Variants in RANBP2 observed in about 807,000 individuals in gnomAD.
The protein encoded by RANBP2 is RAN binding protein 2, also known as E3 SUMO-protein ligase RanBP2.
RANBP2 carries 57 observed loss-of-function variants against 303.6 expected under a neutral mutation model. The ratio of observed to expected loss-of-function variants is 0.19; its 90% confidence interval spans 0.15 to 0.23. The LOEUF (loss-of-function observed/expected upper bound fraction) is 0.23. Ranked by LOEUF, RANBP2 falls within the 10% of genes least tolerant of loss-of-function variation. The probability of loss-of-function intolerance (pLI) is 1.00; values close to 1 mark genes in which losing one functional copy is unlikely to be tolerated. For synonymous variants in RANBP2, 1,167 were observed against 1,301.5 expected (o/e 0.90, Z 2.23); for missense variants, 3,138 against 3,780.8 (o/e 0.83, Z 4.46).
chr2:108,877,611 CAT>C, the RANBP2 span, among the ~76,000 whole-genome samples: 2 of 151,998 alleles, frequency 1.3e-5, no homozygotes, highest in Admixed American at 1.3e-4. Flanking sequence ...AGATAGTACT[CAT>C]GAGAGTGGAT....
the RANBP2 span, among the ~76,000 whole-genome samples, chr2:108,847,414 A>G: frequency 6.6e-6 from 1 of 152,184 alleles, no homozygotes; most frequent in Non-Finnish European, 1.5e-5. Context: ...AAAGCCTATA[A>G]TACTGTCATC....
At chr2:109,599,269 C>T in the RANBP2 span, among the ~76,000 whole-genome samples, 27 of 152,096 alleles carry the variant, frequency 1.8e-4, no homozygotes, top group Non-Finnish European at 3.4e-4. Flanking sequence ...ACCAGCCTGG[C>T]CAACATGGTG....
chr2:108,961,605 G>A, the RANBP2 span, among the ~76,000 whole-genome samples: 4 of 152,190 alleles, frequency 2.6e-5, no homozygotes, highest in African/African-American at 9.7e-5. Flanking sequence ...CATTAAAAAA[G>A]CACTCACTGG....
At position 108,767,685 on chromosome 2, in the gene RANBP2, C is replaced by T. The variant is rs564073939; in HGVS notation, c.7146C>T (p.Ala2382=). 6.2e-7 allele frequency: 1 copy of T among 1,611,904 alleles called. No individual in the cohort carries two copies. Among genetic ancestry groups the T allele is most frequent in the South Asian group, 1.1e-5 (1 of 90,978 alleles). The change falls in exon 20 of 29, where the codon GCC becomes GCT. Residue 2382 remains alanine (A), a synonymous_variant. Transcript: ENST00000283195. ...GGGACCAAGTATTAAAACTTTGTGC[C>T]AATCACAGAATAACTCCAGACATGA... ...MRRDQVLKLC[A]NHRITPDMTL...
At chr2:108,831,851 G>A in the RANBP2 span, among the ~76,000 whole-genome samples, 5 of 151,976 alleles carry the variant, frequency 3.3e-5, no homozygotes, top group African/African-American at 1.2e-4. Context: ...TCCTGCCTCA[G>A]CCTCCCGAGT....
the RANBP2 span, among the ~76,000 whole-genome samples, chr2:109,018,348 T>C: frequency 0.64 from 97,802 of 152,076 alleles, 32,239 homozygotes; most frequent in East Asian, 0.96. Context: ...TTGCCTTGTC[T>C]GGTAGGCTGT....
chr2:109,152,747 G>A, the RANBP2 span, among the ~76,000 whole-genome samples: 1 of 152,186 alleles, frequency 6.6e-6, no homozygotes, highest in Non-Finnish European at 1.5e-5. Flanking sequence ...CATGGGCAGA[G>A]GGGCGGGGGG....
At chr2:108,823,869 C>G in the RANBP2 span, among the ~76,000 whole-genome samples, 1 of 151,630 alleles carries the variant, frequency 6.6e-6, no homozygotes, top group Non-Finnish European at 1.5e-5. Flanking sequence ...CCCAGCTACT[C>G]GGGATGCTGA....
chr2:108,808,638 G>C, the RANBP2 span, among the ~76,000 whole-genome samples: 1 of 152,096 alleles, frequency 6.6e-6, no homozygotes, highest in African/African-American at 2.4e-5. Context: ...TCATATACCT[G>C]TTGGCTGTTT....
At chr2:109,369,339 C>A in the RANBP2 span, among the ~76,000 whole-genome samples, 1 of 152,054 alleles carries the variant, frequency 6.6e-6, no homozygotes, top group Non-Finnish European at 1.5e-5. Flanking sequence ...CAGCACAAGA[C>A]TCCGTCTAAA....
the RANBP2 span, among the ~76,000 whole-genome samples, chr2:109,424,216 G>T: frequency 6.6e-6 from 1 of 152,222 alleles, no homozygotes; most frequent in Non-Finnish European, 1.5e-5. Context: ...CAGCCCTGCG[G>T]AGTTTCCCCA....
chr2:109,282,965 C>T, the RANBP2 span, among the ~76,000 whole-genome samples: 1 of 152,166 alleles, frequency 6.6e-6, no homozygotes, highest in Non-Finnish European at 1.5e-5. Flanking sequence ...TTGTTACTCT[C>T]CCTGGGTCCT....
At chr2:109,559,465 G>A in the RANBP2 span, among the ~76,000 whole-genome samples, 1 of 152,168 alleles carries the variant, frequency 6.6e-6, no homozygotes, top group Non-Finnish European at 1.5e-5. Context: ...CCTGACCTAA[G>A]CTGAAGAATC....
rs368484651 is a variant in RANBP2, at chr2:108,771,825, C to G, written c.7974C>G (p.Phe2658Leu). 1.7e-5 allele frequency: 27 copies of G among 1,613,890 alleles called. No homozygotes were observed. The highest frequency in any genetic ancestry group is 1.5e-5 in the Non-Finnish European group (18 of 1,179,962). Residue 2658 changes from phenylalanine to leucine, a missense_variant, in exon 21 of 29, where the codon TTC becomes TTG. By Grantham distance (22) the Phe-to-Leu change is conservative. Transcript: ENST00000283195. ...AACTTAAACTTCCTCCAACTTTCTT[C>G]TGCTACAAGAATAGACCAGATTATG... ...ATKLKLPPTF[F>L]CYKNRPDYVS...
chr2:108,722,472 C>A (rs915649420), intron 1 of RANBP2, among the ~76,000 whole-genome samples: 2 of 151,614 alleles, frequency 1.3e-5, no homozygotes, highest in Non-Finnish European at 2.9e-5. Flanking sequence ...TATTCTCCCC[C>A]AGTTTGGCAG....
chr2:109,613,629 G>A, the RANBP2 span: 3 of 389,906 alleles, frequency 7.7e-6, no homozygotes, highest in South Asian at 3.8e-4. Flanking sequence ...CTCCTCTCCC[G>A]CCCCAGGCGC....
At chr2:109,614,950 G>C in the RANBP2 span, 1 of 1,523,862 alleles carries the variant, frequency 6.6e-7, no homozygotes, top group Non-Finnish European at 8.8e-7. Context: ...GGGGCTCGCA[G>C]GAAGAACTCG....
At chr2:109,763,206 G>A in the RANBP2 span, among the ~76,000 whole-genome samples, 1 of 150,108 alleles carries the variant, frequency 6.7e-6, no homozygotes, top group African/African-American at 2.4e-5. Flanking sequence ...ACAGATGACA[G>A]CAGACTTTTT....
downstream of RANBP2, chr2:108,786,667 G>A (rs1175734491): frequency 9.1e-6 from 6 of 661,584 alleles, no homozygotes; most frequent in South Asian, 8.8e-5. Flanking sequence ...GACAAGCCGG[G>A]CTGCAGTCTC....
Sources: allele counts gnomAD v4.1 joint callset (sites outside exome capture counted in the v4.1 genomes callset), GRCh38; gene constraint gnomAD v4.1.1; transcripts MANE v1.5; gene names NCBI Gene and HGNC (gene_info 2026-07-23, HGNC 2026-07-21).